Variants in RIF1 observed in about 807,000 individuals in gnomAD.
The protein encoded by RIF1 is replication timing regulatory factor 1, also known as telomere-associated protein RIF1.
In RIF1, 45 loss-of-function variants were observed where a neutral mutation model predicts 247.1. The observed-to-expected ratio is 0.18, with a 90% confidence interval of 0.14 to 0.23. The LOEUF is 0.23. Among genes scored for constraint, RIF1 ranks in the 10% least tolerant of loss-of-function variants. The pLI is 1.00. For missense variants in RIF1, 2,967 were observed against 2,862.5 expected, an observed-to-expected ratio of 1.04 and a Z score of -0.83; for synonymous variants, 1,087 against 978.8, an observed-to-expected ratio of 1.11 and a Z score of -2.06.
rs771071588 is a variant in RIF1 at position 151,463,029 on chromosome 2, A to G, written c.3509A>G (p.Asn1170Ser). The G allele has an allele frequency of 1.2e-6, 2 of 1,613,946 alleles. No individual in the cohort carries two copies. The highest frequency in any genetic ancestry group is 1.7e-6 in the Non-Finnish European group (2 of 1,179,826). Residue 1170 changes from asparagine (N) to serine (S), a missense_variant, in exon 30 of 36, where the codon AAT becomes AGT. Coordinates refer to ENST00000444746, the MANE Select transcript of RIF1 (RefSeq NM_018151.5). ...AGTCCAGAAATGTCAAACAGTAATA[A>G]TGATGAAAGAAAAAAAGCTTTAATT... ...KTSPEMSNSN[N>S]DERKKALISS...
chr2:151,466,142 A>G (rs758985300), intron 30 of RIF1, 22 bp downstream of exon 30: 34 of 1,408,952 alleles, frequency 2.4e-5, no homozygotes, highest in Non-Finnish European at 3.2e-5. Context: ...GAGGCTAAAT[A>G]TTAAGGAACC....
intron 10 of RIF1, chr2:151,496,127 G>A (rs1402298263): frequency 1.7e-5 from 15 of 865,028 alleles, no homozygotes; most frequent in Admixed American, 2.3e-5. Flanking sequence ...TAGGCTAGAA[G>A]TAGCCCAAAG....
At chr2:151,427,234 CAG>C (rs906198643) in intron 8 of RIF1, among the ~76,000 whole-genome samples, 137 of 150,754 alleles carry the variant, frequency 9.1e-4, no homozygotes, top group African/African-American at 3.3e-3. Context: ...TTTTTTGAGA[CAG>C]AGTTTCACTC....
intron 3 of RIF1, among the ~76,000 whole-genome samples, chr2:151,411,981 C>CT (rs1377272343): frequency 4.6e-5 from 7 of 152,194 alleles, no homozygotes; most frequent in Admixed American, 6.5e-5. Flanking sequence ...AGAGATTAAT[C>CT]TGTTTTCTTT....
In RIF1 at chr2:151,463,205, G is replaced by A; in HGVS notation, c.3685G>A (p.Gly1229Ser). The A allele has an allele frequency of 6.2e-7, 1 of 1,614,056 alleles. No individual in the cohort carries two copies. Among genetic ancestry groups the A allele is most frequent in the Non-Finnish European group, 8.5e-7 (1 of 1,180,000 alleles). The change falls in exon 30 of 36, where the codon GGT becomes AGT. Residue 1229 changes from glycine to serine, a missense_variant. Gly to Ser is a moderately conservative substitution (Grantham distance 56). Coordinates refer to ENST00000444746, the MANE Select transcript of RIF1 (RefSeq NM_018151.5). Reference protein sequence around the residue: ...QTFITLEKFDGSENRPFSPSP... With the variant: ...QTFITLEKFDSSENRPFSPSP... ...CTTTATTACTTTGGAGAAGTTTGATGGTTCAGAAAATAGACCTTTTAGTCC... is the reference window on the plus strand; with the variant it reads ...CTTTATTACTTTGGAGAAGTTTGATAGTTCAGAAAATAGACCTTTTAGTCC...
the RIF1 span, among the ~76,000 whole-genome samples, chr2:151,519,451 A>G: frequency 2.6e-5 from 4 of 152,214 alleles, no homozygotes; most frequent in Non-Finnish European, 5.9e-5. Flanking sequence ...AAAAGTAGAT[A>G]AGAGGTTCCC....
intron 27 of RIF1, 92 bp downstream of exon 27, chr2:151,461,381 A>C: frequency 1.7e-6 from 2 of 1,162,046 alleles, no homozygotes; most frequent in African/African-American, 3.2e-5. Context: ...GAACTAAAAT[A>C]TGTGTACTAA....
intron 34 of RIF1, among the ~76,000 whole-genome samples, chr2:151,471,316 G>C (rs1159721799): frequency 6.6e-6 from 1 of 152,174 alleles, no homozygotes; most frequent in Non-Finnish European, 1.5e-5. Flanking sequence ...CCATTCTGTA[G>C]GTTGCCTGTT....
chr2:151,499,899 C>G (rs1465112110), intron 11 of RIF1, among the ~76,000 whole-genome samples: 1 of 152,054 alleles, frequency 6.6e-6, no homozygotes, highest in Non-Finnish European at 1.5e-5. Flanking sequence ...ATCTAATAGG[C>G]TTATGCACCA....
In RIF1 at chr2:151,469,942, C is replaced by T. The variant is rs1265708511; in HGVS notation, c.7095+78C>T. The T allele has an allele frequency of 3.4e-5, 35 of 1,039,730 alleles. 1 individual carries two copies. The South Asian group carries it at 3.9e-4, about 11-fold the overall frequency. The allele number at this position is 1,039,730 out of a possible 1,614,324, so 64.4% of individuals were successfully genotyped here. On this transcript the variant is annotated intron_variant, in intron 34 of 35. Coordinates refer to ENST00000444746, the MANE Select transcript of RIF1 (RefSeq NM_018151.5). The stretch of plus-strand genomic sequence containing the variant: ...CAGTTACAGAAGTTTGTTAAAAGAT[C>T]ACTTCATAATGGCACAGGGAAATTG...
At chr2:151,414,699 G>A in intron 3 of RIF1, 124 bp from the exon 4 acceptor site, 1 of 603,284 alleles carries the variant, frequency 1.7e-6, no homozygotes, top group Non-Finnish European at 2.9e-6. Flanking sequence ...TATTTTTTAT[G>A]CGTATTCTCA....
the RIF1 span, chr2:151,518,313 C>T: frequency 6.3e-7 from 1 of 1,586,904 alleles, no homozygotes; most frequent in Non-Finnish European, 8.7e-7. Flanking sequence ...TCTTGATCCA[C>T]TTACTATACT....
chr2:151,496,613 T>C (rs879609383), intron 10 of RIF1, among the ~76,000 whole-genome samples: 6 of 151,884 alleles, frequency 4.0e-5, no homozygotes, highest in Non-Finnish European at 8.8e-5. Flanking sequence ...ATCCATGTTA[T>C]TTTTTTTCAT....
intron 8 of RIF1, among the ~76,000 whole-genome samples, chr2:151,427,614 G>T (rs1689342827): frequency 6.7e-6 from 1 of 149,948 alleles, no homozygotes; most frequent in Non-Finnish European, 1.5e-5. Context: ...ATATTTGGAA[G>T]TAATTCAGAA....
At chr2:151,527,068 G>C in the RIF1 span, 2 of 1,282,898 alleles carry the variant, frequency 1.6e-6, no homozygotes, top group Non-Finnish European at 1.1e-6. Flanking sequence ...TGACAGCACA[G>C]GAGGAAGCTG....
At chr2:151,423,851 G>A (rs2444256) in intron 8 of RIF1, 59,158 of 151,940 alleles carry the variant, frequency 0.39, 11,541 homozygotes, top group East Asian at 0.44. Flanking sequence ...GAACAAGTCA[G>A]TGGCATTAAA....
Position 151,463,760 on chromosome 2 carries a change from C to A in RIF1, c.4240C>A (p.Leu1414Ile). 6.2e-7 allele frequency: 1 copy of A among 1,613,836 alleles called. No individual in the cohort carries two copies. The highest frequency in any genetic ancestry group is 8.5e-7 in the Non-Finnish European group (1 of 1,179,962). Reference protein sequence around the residue: ...QVQITPNQKTLRRSSRRRSEV... With the variant: ...QVQITPNQKTIRRSSRRRSEV... Reference sequence around the variant, plus strand: ...TCAGATAACTCCAAATCAGAAAACCCTTAGACGGTCTTCAAGGCGACGTTC... The same window carrying A: ...TCAGATAACTCCAAATCAGAAAACCATTAGACGGTCTTCAAGGCGACGTTC... The change falls in exon 30 of 36, where the codon CTT (leucine) becomes ATT (isoleucine). Residue 1414 changes from leucine (L) to isoleucine (I), a missense_variant. Leu to Ile is a conservative substitution (Grantham distance 5, BLOSUM62 2). This residue lies in a region of RIF1 where 2,028 missense variants were observed against 1,825.6 expected (regional missense o/e 1.11). Transcript: ENST00000444746.
chr2:151,512,937 G>C, downstream of RIF1: 1 of 763,358 alleles, frequency 1.3e-6, no homozygotes, highest in South Asian at 1.6e-5. Flanking sequence ...TTTTCCAAGA[G>C]GGACTCATTC....
rs185310599 is a variant in RIF1 at position 151,443,729 on chromosome 2, C to T, written c.1986+20C>T. The T allele has an allele frequency of 2.1e-4, 294 of 1,433,664 alleles. No homozygotes were observed. Among genetic ancestry groups the T allele is most frequent in the Middle Eastern group, 1.5e-3 (7 of 4,580 alleles). 88.8% of individuals were successfully genotyped at this position (1,433,664 alleles called of 1,614,324 possible). ...AATCAGGTATGAAATAAATCTGCTACGTATTTTGGATAATAGACCTTTTTT... is the reference window on the plus strand; with the variant it reads ...AATCAGGTATGAAATAAATCTGCTATGTATTTTGGATAATAGACCTTTTTT... On this transcript the variant is annotated intron_variant, in intron 18 of 35. Transcript: ENST00000444746.
Sources: allele counts gnomAD v4.1 joint callset (sites outside exome capture counted in the v4.1 genomes callset), GRCh38; gene constraint gnomAD v4.1.1; regional missense constraint gnomAD v4.1.1; transcripts MANE v1.5; gene names NCBI Gene and HGNC (gene_info 2026-07-23, HGNC 2026-07-21).